GSTM3: variants seen among roughly 807,000 people sequenced by gnomAD.
GSTM3 encodes the protein GST class-mu 3.
In GSTM3, 34 loss-of-function variants were observed where a neutral mutation model predicts 36.1. The observed-to-expected ratio is 0.94, with a 90% CI of 0.72 to 1.25. The LOEUF (loss-of-function observed/expected upper bound fraction) is 1.25, where lower values mean the gene tolerates loss of function less well. Ranked by LOEUF, GSTM3 falls within the 50% of genes most tolerant of loss-of-function variation. The pLI is 0.00. For missense variants in GSTM3, 266 were observed against 281.6 expected (o/e 0.94, Z 0.40); for synonymous variants, 102 against 99.5 (o/e 1.03, Z -0.15).
chr1:109,739,450 CT>C lies in GSTM3; in HGVS notation c.167del (p.Lys56SerfsTer2). On this transcript the variant is annotated frameshift_variant, in exon 4 of 9. Coordinates refer to ENST00000361066, the MANE Select transcript of GSTM3 (RefSeq NM_000849.5). LOFTEE classifies it high-confidence loss of function. ...TTACATTAGGAAAGTCCAGGTCTAG[CT>C]TGAATTTCACATCCAGCCATTGGCT... ...DRSQWLDVKF[K>X]LDLDFPNLPY... 1 of 1,612,860 alleles carries C rather than the reference CT, an allele frequency of 6.2e-7. No homozygotes were observed. The highest frequency in any genetic ancestry group is 1.3e-5 in the African/African-American group (1 of 75,016).
chr1:109,735,638 T>TAG lies in GSTM3; in HGVS notation c.*1432_*1433insCT, dbSNP rs1190125073. The TAG allele has an allele frequency of 1.5e-5, 2 of 132,546 alleles. No homozygotes were observed. The highest frequency in any genetic ancestry group is 2.9e-5 in the African/African-American group (1 of 34,368). The allele number at this position is 132,546 out of a possible 1,614,324, so 8.2% of individuals were successfully genotyped here. A position where few individuals can be genotyped will look rare whatever the true frequency, so the allele number is the denominator to read the frequency against. On this transcript the variant is annotated 3_prime_UTR_variant, in exon 9 of 9. Transcript: ENST00000361066. ...TAGTATATGTCTCTTTGAATGTTTTTTTTTTTTTTTTTTTTTTTTTTTTGA... is the reference window on the plus strand; with the variant it reads ...TAGTATATGTCTCTTTGAATGTTTTTAGTTTTTTTTTTTTTTTTTTTTTTTGA...
At chr1:109,739,800 G>C in intron 3 of GSTM3, 33 bp downstream of exon 3, 2 of 1,496,308 alleles carry the variant, frequency 1.3e-6, no homozygotes, top group Non-Finnish European at 1.8e-6. Flanking sequence ...TGGAGGGCCA[G>C]CTTGGCTGCA....
chr1:109,734,127 G>C lies in GSTM3; in HGVS notation c.*2944C>G, dbSNP rs921756262. On this transcript the variant is annotated 3_prime_UTR_variant, in exon 9 of 9. Transcript: ENST00000361066. ...TTCTTGGGGTACTACAGCTGTGCAT[G>C]CCTAAGTTTTGCCAAAGGGACTCCA... The C allele has an allele frequency of 6.6e-6, 1 of 152,188 alleles. No homozygotes were observed. The allele number at this position is 152,188 out of a possible 1,614,324, so 9.4% of individuals were successfully genotyped here.
chr1:109,740,338 G>A lies in GSTM3; in HGVS notation c.-51C>T, dbSNP rs530468308. ...GACTAGGGAAACTGTGAGCGGGAGG[G>A]GCTTTATACCCGACATAAGGGGGCG... On this transcript the variant is annotated 5_prime_UTR_variant, in exon 2 of 9. Transcript: ENST00000361066. The A allele has an allele frequency of 2.6e-6, 4 of 1,557,994 alleles. No homozygotes were observed. Among genetic ancestry groups the A allele is most frequent in the Non-Finnish European group, 2.6e-6 (3 of 1,132,932 alleles).
At chr1:109,740,609 G>C (rs56098179) in intron 1 of GSTM3, 98 bp from the exon 2 acceptor site, 6 of 385,974 alleles carry the variant, frequency 1.6e-5, no homozygotes, top group Non-Finnish European at 2.8e-5. Flanking sequence ...GACGCGAAAA[G>C]CACCACTAGC....
At chr1:109,737,777 T>C (rs770120809) in intron 6 of GSTM3, 26 bp from the exon 7 acceptor site, 95 of 1,332,700 alleles carry the variant, frequency 7.1e-5, no homozygotes, top group Non-Finnish European at 9.7e-5. Context: ...AGAATGAGAA[T>C]AGTGGTGATC....
Position 109,736,782 on chromosome 1 carries a change from T to G in GSTM3, c.*289A>C, listed in dbSNP as rs1557978799. ...CCAGTCCCATTTAACACACCTGCTC[T>G]CTCCAACTGTGCAATCTCGTTTTTT... On this transcript the variant is annotated 3_prime_UTR_variant, in exon 9 of 9. Transcript: ENST00000361066. The G allele has an allele frequency of 1.1e-5, 4 of 358,720 alleles. 1 individual carries two copies. In the South Asian group the frequency reaches 1.3e-4, roughly 11 times the overall value. 22.2% of individuals were successfully genotyped at this position (358,720 alleles called of 1,614,324 possible).
At position 109,737,508 on chromosome 1, in the gene GSTM3, G is replaced by C. The variant is rs2101349734; in HGVS notation, c.528C>G (p.Pro176=). The change falls in exon 8 of 9, where the codon CCC becomes CCG. Residue 176 remains proline, a synonymous_variant. Transcript: ENST00000361066. ...GGTTTGGGAACTCATCCAGGCACTT[G>C]GGGTCAAATATACGGTTCTGATCCA... ...DILDQNRIFD[P]KCLDEFPNLK... 1 of 1,613,634 alleles carries C rather than the reference G, an allele frequency of 6.2e-7. No homozygotes were observed. Among genetic ancestry groups the C allele is most frequent in the Non-Finnish European group, 8.5e-7 (1 of 1,179,648 alleles).
Position 109,739,430 on chromosome 1 carries a change from T to C in GSTM3, c.188A>G (p.Asn63Ser). 6.2e-7 allele frequency: 1 copy of C among 1,610,062 alleles called. No homozygotes were observed. The highest frequency in any genetic ancestry group is 1.1e-5 in the South Asian group (1 of 90,896). ...VKFKLDLDFP[N>S]LPYLLDGKNK... ...GCCACCTCTACTAAAGCCACTTACA[T>C]TAGGAAAGTCCAGGTCTAGCTTGAA... Residue 63 changes from asparagine (N) to serine (S), a missense_variant and splice_region_variant, in exon 4 of 9, where the codon AAT (asparagine) becomes AGT (serine). Physicochemically the swap from Asn to Ser is conservative, Grantham distance 46. Coordinates refer to ENST00000361066, the MANE Select transcript of GSTM3 (RefSeq NM_000849.5).
At chr1:109,738,256 G>A in intron 5 of GSTM3, 29 bp downstream of exon 5, 3 of 1,603,902 alleles carry the variant, frequency 1.9e-6, no homozygotes, top group Non-Finnish European at 2.6e-6. Flanking sequence ...TACCAGCCTG[G>A]GGTCCCTCAC....
Position 109,740,271 on chromosome 1 carries a change from G to A in GSTM3, c.17C>T (p.Ser6Phe), listed in dbSNP as rs1169293792. Residue 6 changes from serine to phenylalanine, a missense_variant, in exon 2 of 9, where the codon TCT (serine) becomes TTT (phenylalanine). Transcript: ENST00000361066. MSCES[S>F]MVLGYWDIRG... ...AATATCCCAGTACCCGAGAACCATAGACGACTCGCACGACATGGTGACGGG... is the reference window on the plus strand; with the variant it reads ...AATATCCCAGTACCCGAGAACCATAAACGACTCGCACGACATGGTGACGGG... The A allele has an allele frequency of 6.2e-7, 1 of 1,613,518 alleles. No homozygotes were observed. Among genetic ancestry groups the A allele is most frequent in the African/African-American group, 1.3e-5 (1 of 74,940 alleles).
intron 4 of GSTM3, among the ~76,000 whole-genome samples, chr1:109,738,925 A>G (rs1649288351): frequency 6.6e-6 from 1 of 152,116 alleles, no homozygotes; most frequent in Admixed American, 6.5e-5. Flanking sequence ...GTTCAGGATC[A>G]GCCTGGGTAA....
rs372333099 is a variant in GSTM3, at chr1:109,737,664, C to T, written c.460G>A (p.Gly154Arg). 1.6e-5 allele frequency: 25 copies of T among 1,606,998 alleles called. No homozygotes were observed. Among genetic ancestry groups the T allele is most frequent in the Middle Eastern group, 1.7e-4 (1 of 6,056 alleles). Residue 154 changes from glycine to arginine, a missense_variant, in exon 7 of 9, where the codon GGG becomes AGG. Physicochemically the swap from Gly to Arg is moderately radical, Grantham distance 125 (BLOSUM62 -2). Coordinates refer to ENST00000361066, the MANE Select transcript of GSTM3 (RefSeq NM_000849.5). ...TTTTCCCTTCTTCCTACCTTTTCCC[C>T]GGCAAACCATGAGAATTTCCCCAGA... ...MFLGKFSWFA[G>R]EKLTFVDFLT...
chr1:109,740,283 G>C lies in GSTM3; in HGVS notation c.5C>G (p.Ser2Trp), dbSNP rs199932714. The C allele has an allele frequency of 2.5e-6, 4 of 1,613,178 alleles. No individual in the cohort carries two copies. In the Admixed American group the frequency reaches 5.0e-5, roughly 20 times the overall value. Residue 2 changes from serine (S) to tryptophan (W), a missense_variant, in exon 2 of 9, where the codon TCG (serine) becomes TGG (tryptophan). Coordinates refer to ENST00000361066, the MANE Select transcript of GSTM3 (RefSeq NM_000849.5). M[S>W]CESSMVLGYW... ...CCCGAGAACCATAGACGACTCGCAC[G>C]ACATGGTGACGGGCTTCCGAGCCTT...
Position 109,735,771 on chromosome 1 carries a change from TA to T in GSTM3, c.*1299del, listed in dbSNP as rs1649183686. ...AATTCTCCTGCCTCAGCCTCCTGAG[TA>T]GCTGGGACTATAGGCACATGCCACC... On this transcript the variant is annotated 3_prime_UTR_variant, in exon 9 of 9. Coordinates refer to ENST00000361066, the MANE Select transcript of GSTM3 (RefSeq NM_000849.5). 6.6e-6 allele frequency: 1 copy of T among 151,390 alleles called. No individual in the cohort carries two copies. Among genetic ancestry groups the T allele is most frequent in the Admixed American group, 6.6e-5 (1 of 15,126 alleles). 9.4% of individuals were successfully genotyped at this position (151,390 alleles called of 1,614,324 possible).
At position 109,737,500 on chromosome 1, in the gene GSTM3, A is replaced by G. The variant is rs372644405; in HGVS notation, c.536T>C (p.Leu179Pro). Residue 179 changes from leucine to proline, a missense_variant, in exon 8 of 9, where the codon CTG (leucine) becomes CCG (proline). Physicochemically the swap from Leu to Pro is moderately conservative, Grantham distance 98. Coordinates refer to ENST00000361066, the MANE Select transcript of GSTM3 (RefSeq NM_000849.5). ...AGCCTTCAGGTTTGGGAACTCATCC[A>G]GGCACTTGGGGTCAAATATACGGTT... ...DQNRIFDPKC[L>P]DEFPNLKAFM... 1.2e-6 allele frequency: 2 copies of G among 1,613,486 alleles called. No homozygotes were observed. Among genetic ancestry groups the G allele is most frequent in the Non-Finnish European group, 1.7e-6 (2 of 1,179,480 alleles).
chr1:109,734,502 A>T lies in GSTM3; in HGVS notation c.*2569T>A, dbSNP rs1371210236. ...TAACAGTGTTACACAGCAATAAATA[A>T]TGCATTCCCTTTTTGATTTCTGGTC... On this transcript the variant is annotated 3_prime_UTR_variant, in exon 9 of 9. Transcript: ENST00000361066. The T allele has an allele frequency of 6.6e-6, 1 of 152,204 alleles. No individual in the cohort carries two copies. The highest frequency in any genetic ancestry group is 1.5e-5 in the Non-Finnish European group (1 of 68,044). 9.4% of individuals were successfully genotyped at this position (152,204 alleles called of 1,614,324 possible). A position where few individuals can be genotyped will look rare whatever the true frequency, so the allele number is the denominator to read the frequency against.
Position 109,738,115 on chromosome 1 carries a change from T to TA in GSTM3, c.347dup (p.Arg117LysfsTer7). The TA allele has an allele frequency of 6.2e-7, 1 of 1,612,850 alleles. No individual in the cohort carries two copies. Among genetic ancestry groups the TA allele is most frequent in the Non-Finnish European group, 8.5e-7 (1 of 1,178,822 alleles). The stretch of plus-strand genomic sequence containing the variant: ...CGTGGTCAGAGCTGTAACAGAGCCT[T>TA]ATCAGTTGTGTGCGGAAATCCATTA... On this transcript the variant is annotated frameshift_variant, in exon 6 of 9. Transcript: ENST00000361066. LOFTEE classifies it high-confidence loss of function.
intron 6 of GSTM3, 115 bp from the exon 7 acceptor site, chr1:109,737,866 A>G (rs944400679): frequency 2.0e-5 from 15 of 732,946 alleles, no homozygotes; most frequent in Middle Eastern, 3.9e-4. Context: ...CATTGCCTTC[A>G]CTTGAGGATG....
Sources: allele counts gnomAD v4.1 joint callset (sites outside exome capture counted in the v4.1 genomes callset), GRCh38; gene constraint gnomAD v4.1.1; transcripts MANE v1.5; gene names NCBI Gene and HGNC (gene_info 2026-07-23, HGNC 2026-07-21).